The following GLB1 variants were observed in gnomAD, a reference collection of about 807,000 sequenced individuals.
GLB1 encodes the protein galactosidase beta 1.
A neutral mutation model predicts 74.0 loss-of-function variants in GLB1; 56 were observed. That is an observed-to-expected ratio of 0.76 (90% CI 0.61 to 0.94). GLB1 has a LOEUF of 0.94. GLB1 is among the 40% of genes least tolerant of loss of function. GLB1 has a pLI of 0.00. For synonymous variants in GLB1, 323 were observed against 323.6 expected (o/e 1.00, Z 0.02); for missense variants, 787 against 845.5 (o/e 0.93, Z 0.86).
chr3:33,061,099 G>A (rs530785401), intron 5 of GLB1, among the ~76,000 whole-genome samples: 1 of 152,178 alleles, frequency 6.6e-6, no homozygotes, highest in Non-Finnish European at 1.5e-5. Context: ...TCTAGAGCAG[G>A]AGTCAACAAA....
chr3:33,065,655 G>A (rs185159543), intron 4 of GLB1, 98 bp from the exon 5 acceptor site: 89 of 1,410,794 alleles, frequency 6.3e-5, no homozygotes, highest in East Asian at 1.3e-4. Flanking sequence ...ACACAAATTC[G>A]TAAACTTTTT....
At chr3:33,020,294 G>T (rs1414386089) in intron 12 of GLB1, among the ~76,000 whole-genome samples, 1 of 152,214 alleles carries the variant, frequency 6.6e-6, no homozygotes, top group Non-Finnish European at 1.5e-5. Context: ...ACTAAGATTA[G>T]ATATGCTGTT....
chr3:33,090,618 A>T, intron 1 of GLB1: 1 of 985,460 alleles, frequency 1.0e-6, no homozygotes, highest in African/African-American at 1.7e-5. Flanking sequence ...GCCACAAACA[A>T]ACAAAAAGGT....
In GLB1 at chr3:33,080,167, A is replaced by C. The variant is rs532915344; in HGVS notation, c.76-7454T>G. On this transcript the variant is annotated intron_variant, in intron 1 of 15. Transcript: ENST00000307363. Reference sequence around the variant, plus strand: ...GGCCCAGGCTGGAGTGCAATGGCACAGTCTCAGCTCACTGCAACCTCCGCC... The same window carrying C: ...GGCCCAGGCTGGAGTGCAATGGCACCGTCTCAGCTCACTGCAACCTCCGCC... 5.9e-5 allele frequency among the ~76,000 whole-genome samples: 9 copies of C among 152,034 alleles called. No homozygotes were observed. The East Asian group carries it at 1.7e-3, about 29-fold the overall frequency.
chr3:32,964,228 G>A, the GLB1 span, among the ~76,000 whole-genome samples: 1 of 152,192 alleles, frequency 6.6e-6, no homozygotes, highest in South Asian at 2.1e-4. Context: ...ACCTTGGTTA[G>A]GGAGCTTCCT....
chr3:33,096,690 A>G, intron 1 of GLB1: 2 of 1,166,362 alleles, frequency 1.7e-6, no homozygotes, highest in African/African-American at 3.3e-5. Flanking sequence ...CCCTCCCGGA[A>G]AGCCAACTTA....
At chr3:32,978,765 C>CTTTT in the GLB1 span, among the ~76,000 whole-genome samples, 133 of 126,032 alleles carry the variant, frequency 1.1e-3, 1 homozygote, top group Non-Finnish European at 1.7e-3. Context: ...TTCTTTCTTT[C>CTTTT]TTTTTTTTTT....
At chr3:32,981,509 C>T in the GLB1 span, among the ~76,000 whole-genome samples, 1 of 151,624 alleles carries the variant, frequency 6.6e-6, no homozygotes, top group African/African-American at 2.4e-5. Flanking sequence ...CACGGTGGCT[C>T]ACATCTGTAA....
chr3:33,078,065 C>T (rs906940479), intron 1 of GLB1, among the ~76,000 whole-genome samples: 2 of 151,626 alleles, frequency 1.3e-5, no homozygotes, highest in Non-Finnish European at 2.9e-5. Flanking sequence ...GTTGTTTAAA[C>T]TTCTTGTTTA....
chr3:33,030,181 G>A (rs1211994742), intron 10 of GLB1: 1 of 152,124 alleles, frequency 6.6e-6, no homozygotes, highest in East Asian at 1.9e-4. Flanking sequence ...TCCAACTTAA[G>A]GCCAGGAAGT....
chr3:33,010,750 A>G (rs1696986261), intron 15 of GLB1, among the ~76,000 whole-genome samples: 2 of 152,198 alleles, frequency 1.3e-5, no homozygotes, highest in South Asian at 2.1e-4. Context: ...CCTAGAGAGA[A>G]ATTTTAGAAG....
At chr3:32,980,950 G>T in the GLB1 span, among the ~76,000 whole-genome samples, 1 of 151,724 alleles carries the variant, frequency 6.6e-6, no homozygotes, top group African/African-American at 2.4e-5. Flanking sequence ...AATTAGCTGG[G>T]CATGCTGGTA....
intron 6 of GLB1, among the ~76,000 whole-genome samples, chr3:33,055,955 C>T (rs371356997): frequency 1.6e-3 from 250 of 151,664 alleles, no homozygotes; most frequent in Admixed American, 2.4e-3. Flanking sequence ...AGACCGGGCG[C>T]GGTGGCTCAC....
chr3:33,012,866 T>C (rs1377450169), intron 15 of GLB1, among the ~76,000 whole-genome samples: 2 of 152,182 alleles, frequency 1.3e-5, no homozygotes, highest in African/African-American at 2.4e-5. Context: ...GTTGATGTCA[T>C]CTCCATCTTA....
downstream of GLB1, among the ~76,000 whole-genome samples, chr3:32,994,390 T>TA (rs1198801818): frequency 6.6e-6 from 1 of 152,150 alleles, no homozygotes; most frequent in Admixed American, 6.5e-5. Flanking sequence ...TAGTAGGTAA[T>TA]AAAAGTACTC....
At chr3:32,994,485 A>G (rs1696272007), downstream of GLB1, among the ~76,000 whole-genome samples, 1 of 152,240 alleles carries the variant, frequency 6.6e-6, no homozygotes, top group Non-Finnish European at 1.5e-5. Flanking sequence ...AAGGTTATTG[A>G]GAGAAATCAA....
At chr3:33,074,344 G>GAAA in intron 1 of GLB1, among the ~76,000 whole-genome samples, 1 of 62,030 alleles carries the variant, frequency 1.6e-5, no homozygotes, top group South Asian at 7.7e-4. Context: ...AAGGAAGGAA[G>GAAA]GAAGGAAGGA....
At chr3:33,091,633 G>A in intron 1 of GLB1, 1 of 984,284 alleles carries the variant, frequency 1.0e-6, no homozygotes, top group South Asian at 4.7e-5. Flanking sequence ...CAATCTTGAG[G>A]TAGATACGAT....
In GLB1 at chr3:33,031,559, A is replaced by G. The variant is rs529857644; in HGVS notation, c.1069-7234T>C. 2.2e-3 allele frequency among the ~76,000 whole-genome samples: 295 copies of G among 137,180 alleles called. 1 individual carries two copies. The highest frequency in any genetic ancestry group is 6.5e-3 in the Admixed American group (84 of 12,902). 90.0% of individuals were successfully genotyped at this position (137,180 alleles called of 152,430 possible). ...CTCGGGAGGCTGAGGCAAGAGAATC[A>G]CTTGAACCAGGGAGGTGGAAGTTGC... On this transcript the variant is annotated intron_variant, in intron 10 of 15. Transcript: ENST00000307363.
Sources: gnomAD v4.1 joint callset for allele counts (sites outside exome capture counted in the v4.1 genomes callset) on GRCh38, gnomAD v4.1.1 for gene constraint, MANE v1.5 for transcripts, NCBI Gene and HGNC (gene_info 2026-07-23, HGNC 2026-07-21) for gene names.